UBR3: variants seen among roughly 807,000 people sequenced by gnomAD.
The protein encoded by UBR3 is ubiquitin protein ligase E3 component n-recognin 3.
A neutral mutation model predicts 243.2 loss-of-function variants in UBR3; 85 were observed. The observed-to-expected ratio is 0.35, with a 90% CI of 0.29 to 0.42. UBR3 has a LOEUF of 0.42. Among genes scored for constraint, UBR3 ranks in the 10% least tolerant of loss-of-function variants. The pLI, the probability that UBR3 is intolerant of heterozygous loss-of-function variation, is 1.00. For missense variants in UBR3, 1,686 were observed against 2,300.8 expected (o/e 0.73, Z 5.47); for synonymous variants, 748 against 799.8 (o/e 0.94, Z 1.09).
At chr2:169,986,188 A>C (rs1170684116) in intron 24 of UBR3, among the ~76,000 whole-genome samples, 1 of 152,216 alleles carries the variant, frequency 6.6e-6, no homozygotes, top group Non-Finnish European at 1.5e-5. Flanking sequence ...ATTGAGAGTG[A>C]GAAAGAAATA....
At chr2:170,061,052 G>A (rs973556152) in intron 33 of UBR3, 27 bp from the exon 34 acceptor site, 1 of 1,436,982 alleles carries the variant, frequency 7.0e-7, no homozygotes, top group Non-Finnish European at 9.4e-7. Flanking sequence ...TCAGTGACCA[G>A]TGTAACCAAT....
At chr2:169,964,939 C>T (rs140990710) in intron 24 of UBR3, 1 of 456,924 alleles carries the variant, frequency 2.2e-6, no homozygotes. Context: ...CTCCCAGTCT[C>T]GGTTCTTGTA....
intron 26 of UBR3, among the ~76,000 whole-genome samples, chr2:169,999,327 C>T (rs180828902): frequency 7.7e-4 from 117 of 152,278 alleles, no homozygotes; most frequent in African/African-American, 2.6e-3. Flanking sequence ...AGCCTGCTCA[C>T]CAGCTGTATT....
At chr2:169,881,311 CTGGGATTA>C (rs2083813422) in intron 5 of UBR3, among the ~76,000 whole-genome samples, 1 of 151,880 alleles carries the variant, frequency 6.6e-6, no homozygotes, top group Non-Finnish European at 1.5e-5. Context: ...TGCCGAGTAG[CTGGGATTA>C]CAGGCATGCA....
At chr2:169,995,605 A>G (rs2089450167) in intron 26 of UBR3, among the ~76,000 whole-genome samples, 1 of 152,210 alleles carries the variant, frequency 6.6e-6, no homozygotes, top group African/African-American at 2.4e-5. Context: ...TTAACTCTGT[A>G]GAAACTTTTA....
intron 7 of UBR3, 147 bp from the exon 8 acceptor site, chr2:169,896,360 C>T (rs1458590515): frequency 1.9e-6 from 1 of 527,218 alleles, no homozygotes; most frequent in African/African-American, 2.0e-5. Flanking sequence ...TGAAAGACTA[C>T]CTCACCATCG....
chr2:169,856,176 A>T (rs1323104779), intron 1 of UBR3, among the ~76,000 whole-genome samples: 2 of 123,292 alleles, frequency 1.6e-5, no homozygotes, highest in African/African-American at 6.3e-5. Context: ...GGGCAGAGAC[A>T]CTCCTCAGTT....
chr2:170,013,832 T>C (rs2090154785), intron 29 of UBR3: 1 of 449,362 alleles, frequency 2.2e-6, no homozygotes, highest in Middle Eastern at 3.3e-4. Context: ...CATTAATTTT[T>C]TTCTACAGAT....
chr2:169,972,331 AG>A (rs2088198590), intron 24 of UBR3, among the ~76,000 whole-genome samples: 1 of 152,158 alleles, frequency 6.6e-6, no homozygotes, highest in Non-Finnish European at 1.5e-5. Flanking sequence ...ATTCTACCAG[AG>A]GTACAAGGAG....
chr2:169,927,411 CT>C lies in UBR3; in HGVS notation c.2424+10del. 1 of 1,530,048 alleles carries C rather than the reference CT, an allele frequency of 6.5e-7. No individual in the cohort carries two copies. The highest frequency in any genetic ancestry group is 8.8e-7 in the Non-Finnish European group (1 of 1,137,802). The allele number at this position is 1,530,048 out of a possible 1,614,324, so 94.8% of individuals were successfully genotyped here. ...ACAGTTCATTGCTGGACCTCATATCCTTTTAAAATTTTACTTTCTGTTAGTT... is the reference window on the plus strand; with the variant it reads ...ACAGTTCATTGCTGGACCTCATATCCTTTAAAATTTTACTTTCTGTTAGTT... On this transcript the variant is annotated splice_region_variant and intron_variant, in intron 17 of 38. Transcript: ENST00000272793.
intron 24 of UBR3, among the ~76,000 whole-genome samples, chr2:169,979,982 T>C (rs2088642740): frequency 6.6e-6 from 1 of 152,170 alleles, no homozygotes; most frequent in African/African-American, 2.4e-5. Context: ...TTGTGATGTA[T>C]GAAACAACCT....
intron 33 of UBR3, 27 bp from the exon 34 acceptor site, chr2:170,061,052 G>C: frequency 7.0e-7 from 1 of 1,436,982 alleles, no homozygotes; most frequent in South Asian, 1.4e-5. Flanking sequence ...TCAGTGACCA[G>C]TGTAACCAAT....
rs1489809547 is a variant in UBR3, at chr2:169,890,595, A to ATG, written c.1039-569_1039-568insGT. Among the ~76,000 whole-genome samples the ATG allele has an allele frequency of 3.3e-4, 32 of 96,194 alleles. 1 individual carries two copies. The highest frequency in any genetic ancestry group is 3.8e-4 in the Non-Finnish European group (17 of 44,388). The allele number at this position is 96,194 out of a possible 152,430, so 63.1% of individuals were successfully genotyped here. On this transcript the variant is annotated intron_variant, in intron 5 of 38. Coordinates refer to ENST00000272793, the MANE Select transcript of UBR3 (RefSeq NM_172070.4). ...TATATATATATGTATATATATATGTATATATATGTATATATATCATTGAGC... is the reference window on the plus strand; with the variant it reads ...TATATATATATGTATATATATATGTATGTATATATGTATATATATCATTGAGC...
Position 169,862,702 on chromosome 2 carries a change from G to T in UBR3, c.546-9534G>T, listed in dbSNP as rs372264899. 2.2e-4 allele frequency among the ~76,000 whole-genome samples: 34 copies of T among 152,138 alleles called. No individual in the cohort carries two copies. The South Asian group carries it at 7.1e-3, about 32-fold the overall frequency. On this transcript the variant is annotated intron_variant, in intron 1 of 38. Coordinates refer to ENST00000272793, the MANE Select transcript of UBR3 (RefSeq NM_172070.4). Reference sequence around the variant, plus strand: ...CTGGATCATATTAAATATATAGATTGGTTTAGGTAGATATCATATATGTTT... The same window carrying T: ...CTGGATCATATTAAATATATAGATTTGTTTAGGTAGATATCATATATGTTT...
At position 169,901,144 on chromosome 2, in the gene UBR3, C is replaced by T. The variant is rs141856824; in HGVS notation, c.1466-3970C>T. 6.2e-3 allele frequency among the ~76,000 whole-genome samples: 936 copies of T among 152,178 alleles called. 11 individuals are homozygous for T. The highest frequency in any genetic ancestry group is 0.027 in the Middle Eastern group (8 of 294). ...ATATTGGTGTTTCTTGGCACTTTGT[C>T]CTAGTGTCTCTGCTTTTCACACTTT... On this transcript the variant is annotated intron_variant, in intron 8 of 38. Transcript: ENST00000272793.
At chr2:169,841,562 G>C (rs570584233) in intron 1 of UBR3, among the ~76,000 whole-genome samples, 1 of 152,344 alleles carries the variant, frequency 6.6e-6, no homozygotes, top group East Asian at 1.9e-4. Context: ...CTGGGGCTGC[G>C]TGCGGCGCTT....
In UBR3 at chr2:169,990,383, T is replaced by C. The variant is rs116662050; in HGVS notation, c.3784+3589T>C. On this transcript the variant is annotated intron_variant, in intron 25 of 38. Transcript: ENST00000272793. The stretch of plus-strand genomic sequence containing the variant: ...GAATAATACAATATTATATAGTCTT[T>C]TCATTTTACTAAACCCTACAATCTT... Among the ~76,000 whole-genome samples the C allele has an allele frequency of 7.8e-3, 1,187 of 152,224 alleles. 13 individuals are homozygous for C. Among genetic ancestry groups the C allele is most frequent in the African/African-American group, 0.026 (1,074 of 41,550 alleles).
chr2:169,914,864 GTGTGTGTGTT>G (rs1440525986), intron 11 of UBR3, among the ~76,000 whole-genome samples: 2 of 147,498 alleles, frequency 1.4e-5, no homozygotes, highest in African/African-American at 2.6e-5. Flanking sequence ...GTGTGTGTGT[GTGTGTGTGTT>G]TTTTTTCCTT....
At position 170,038,564 on chromosome 2, in the gene UBR3, A is replaced by T. The variant is rs564401775; in HGVS notation, c.4557-2318A>T. Among the ~76,000 whole-genome samples the T allele has an allele frequency of 9.8e-5, 15 of 152,326 alleles. No homozygotes were observed. In the South Asian group the frequency reaches 3.1e-3, roughly 32 times the overall value. On this transcript the variant is annotated intron_variant, in intron 31 of 38. Transcript: ENST00000272793. ...TGGAGGAGATTGAATACTTAAAGGC[A>T]GTGGCCATAGGGATGGCAAAGAGGA...
Sources: allele counts gnomAD v4.1 joint callset (sites outside exome capture counted in the v4.1 genomes callset), GRCh38; gene constraint gnomAD v4.1.1; transcripts MANE v1.5; gene names NCBI Gene and HGNC (gene_info 2026-07-23, HGNC 2026-07-21).